Variants in DENND1B observed in about 807,000 individuals in gnomAD.
The protein encoded by DENND1B is DENN domain-containing protein 1B.
Under a neutral mutation model 90.1 loss-of-function variants are expected in DENND1B, and 59 were observed. The ratio of observed to expected loss-of-function variants is 0.65; its 90% CI spans 0.53 to 0.81. The LOEUF is 0.81. Ranked by LOEUF, DENND1B falls within the 40% of genes least tolerant of loss-of-function variation. DENND1B has a pLI of 0.00. For missense variants in DENND1B, 862 were observed against 912.6 expected (o/e 0.94, Z 0.71); for synonymous variants, 337 against 324.6 (o/e 1.04, Z -0.41).
chr1:197,513,184 AAC>A (rs1465494897), intron 20 of DENND1B, among the ~76,000 whole-genome samples: 14 of 131,754 alleles, frequency 1.1e-4, no homozygotes, highest in Admixed American at 2.3e-4. Context: ...AAAAAAAAAA[AAC>A]CCAACAGATC....
At chr1:197,768,400 C>T (rs904602552) in intron 2 of DENND1B, among the ~76,000 whole-genome samples, 3 of 152,090 alleles carry the variant, frequency 2.0e-5, no homozygotes, top group African/African-American at 4.8e-5. Context: ...CTTTTATTGA[C>T]GAAAAGTTAC....
At chr1:197,515,212 T>C (rs1443425575) in intron 20 of DENND1B, among the ~76,000 whole-genome samples, 2 of 151,702 alleles carry the variant, frequency 1.3e-5, no homozygotes, top group African/African-American at 2.4e-5. Flanking sequence ...AATATGCTCT[T>C]ATAACCCCTA....
At chr1:197,564,435 A>C (rs1672448782) in intron 15 of DENND1B, among the ~76,000 whole-genome samples, 1 of 150,570 alleles carries the variant, frequency 6.6e-6, no homozygotes, top group African/African-American at 2.5e-5. Flanking sequence ...ATTTGTTAAA[A>C]GCTCAGATTA....
intron 7 of DENND1B, among the ~76,000 whole-genome samples, chr1:197,649,162 A>G (rs1439825757): frequency 6.6e-6 from 1 of 152,218 alleles, no homozygotes; most frequent in East Asian, 1.9e-4. Flanking sequence ...TTCATTCAAG[A>G]AGCTGAACAA....
At chr1:197,640,898 G>C (rs1485280765) in intron 10 of DENND1B, among the ~76,000 whole-genome samples, 1 of 151,918 alleles carries the variant, frequency 6.6e-6, no homozygotes. Flanking sequence ...ATTGAGCCCA[G>C]GAGTTTGAGA....
the DENND1B span, among the ~76,000 whole-genome samples, chr1:197,780,887 A>G: frequency 1.6e-4 from 25 of 152,190 alleles, no homozygotes; most frequent in African/African-American, 5.3e-4. Flanking sequence ...ATCCCTATAT[A>G]TTAATGGTGT....
chr1:197,543,999 A>T (rs1670531640), intron 18 of DENND1B, among the ~76,000 whole-genome samples: 1 of 152,164 alleles, frequency 6.6e-6, no homozygotes, highest in Non-Finnish European at 1.5e-5. Flanking sequence ...ATATTTTTAG[A>T]AATATAAAAT....
chr1:197,721,306 T>C (rs529340829), intron 2 of DENND1B, among the ~76,000 whole-genome samples: 2 of 152,128 alleles, frequency 1.3e-5, no homozygotes, highest in South Asian at 2.1e-4. Flanking sequence ...CCTGACCTCG[T>C]GATCCGCCTG....
Position 197,538,154 on chromosome 1 carries a change from G to A in DENND1B, c.1515+1810C>T, listed in dbSNP as rs550553740. On this transcript the variant is annotated intron_variant, in intron 20 of 22. Coordinates refer to ENST00000620048, the MANE Select transcript of DENND1B (RefSeq NM_001195215.2). ...TTTTTACATCTTAAAGTATCCTATA[G>A]GTAACAAAGATCTCATATTCGTTTT... 5.3e-5 allele frequency among the ~76,000 whole-genome samples: 8 copies of A among 152,094 alleles called. No homozygotes were observed. In the South Asian group the frequency reaches 1.5e-3, roughly 28 times the overall value.
At position 197,595,062 on chromosome 1, in the gene DENND1B, G is replaced by A. The variant is rs1675562461; in HGVS notation, c.1047+146C>T. ...GTCAAAAATTGGAGATGAAATGTATGTTTTGAAACACATTATTTTGGATCT... is the reference window on the plus strand; with the variant it reads ...GTCAAAAATTGGAGATGAAATGTATATTTTGAAACACATTATTTTGGATCT... On this transcript the variant is annotated intron_variant, in intron 14 of 22. Transcript: ENST00000620048. The A allele has an allele frequency of 2.6e-6, 3 of 1,136,436 alleles. No individual in the cohort carries two copies. The African/African-American group carries it at 4.8e-5, about 18-fold the overall frequency. The allele number at this position is 1,136,436 out of a possible 1,614,324, so 70.4% of individuals were successfully genotyped here. A position where few individuals can be genotyped will look rare whatever the true frequency, so the allele number is the denominator to read the frequency against.
At chr1:197,660,087 G>T (rs1654256295) in intron 5 of DENND1B, among the ~76,000 whole-genome samples, 1 of 151,722 alleles carries the variant, frequency 6.6e-6, no homozygotes, top group Non-Finnish European at 1.5e-5. Context: ...AGTAAAGATA[G>T]AAAGTTTTAG....
intron 2 of DENND1B, among the ~76,000 whole-genome samples, chr1:197,770,687 TATAA>T (rs1436039800): frequency 4.9e-5 from 7 of 142,886 alleles, no homozygotes; most frequent in Admixed American, 2.1e-4. Flanking sequence ...TATACATATC[TATAA>T]ATATATATCT....
chr1:197,698,151 T>C (rs1258576869), intron 3 of DENND1B, among the ~76,000 whole-genome samples: 2 of 152,128 alleles, frequency 1.3e-5, no homozygotes, highest in South Asian at 2.1e-4. Flanking sequence ...TATTCTAAAA[T>C]TGACCACATA....
intron 6 of DENND1B, among the ~76,000 whole-genome samples, chr1:197,657,045 A>G (rs1653906543): frequency 6.6e-6 from 1 of 152,152 alleles, no homozygotes; most frequent in Non-Finnish European, 1.5e-5. Flanking sequence ...ACAGGCAACA[A>G]AAGACAAAAA....
chr1:197,678,743 T>C (rs1457102708), intron 3 of DENND1B, among the ~76,000 whole-genome samples: 1 of 152,172 alleles, frequency 6.6e-6, no homozygotes, highest in Non-Finnish European at 1.5e-5. Context: ...TCTTTTATTT[T>C]TAAGAAGTGT....
intron 20 of DENND1B, among the ~76,000 whole-genome samples, chr1:197,514,480 T>A (rs1668262060): frequency 6.6e-6 from 1 of 151,722 alleles, no homozygotes. Context: ...ACCATGATTA[T>A]GTTTTTAAAA....
chr1:197,512,045 C>CA, intron 21 of DENND1B, 101 bp from the exon 22 acceptor site: 1 of 835,850 alleles, frequency 1.2e-6, no homozygotes, highest in Middle Eastern at 3.7e-4. Context: ...GAGTTAACAA[C>CA]AAAATCAATA....
intron 2 of DENND1B, among the ~76,000 whole-genome samples, chr1:197,719,890 T>C (rs964533057): frequency 1.3e-5 from 2 of 152,214 alleles, no homozygotes; most frequent in East Asian, 1.9e-4. Context: ...CTACAACATA[T>C]AACTGAAGAC....
chr1:197,669,239 T>C (rs1655245885), intron 5 of DENND1B, among the ~76,000 whole-genome samples: 1 of 152,110 alleles, frequency 6.6e-6, no homozygotes, highest in South Asian at 2.1e-4. Flanking sequence ...ATTCCATGTA[T>C]ACTCTCACTG....
Sources: gnomAD v4.1 joint callset for allele counts (sites outside exome capture counted in the v4.1 genomes callset) on GRCh38, gnomAD v4.1.1 for gene constraint, MANE v1.5 for transcripts, NCBI Gene and HGNC (gene_info 2026-07-23, HGNC 2026-07-21) for gene names.